Variants in SCNN1B observed in about 807,000 individuals in gnomAD.
SCNN1B encodes epithelial sodium channel subunit beta.
SCNN1B carries 46 observed loss-of-function variants against 65.3 expected under a neutral mutation model. The observed-to-expected ratio is 0.70, with a 90% CI of 0.56 to 0.90. SCNN1B has a LOEUF of 0.90. Ranked by LOEUF, SCNN1B falls within the 40% of genes least tolerant of loss-of-function variation. The pLI is 0.00. For synonymous variants in SCNN1B, 349 were observed against 330.6 expected (o/e 1.06, Z -0.60); for missense variants, 751 against 830.5 (o/e 0.90, Z 1.18).
chr16:23,300,217 G>C (rs944743173), upstream of SCNN1B, among the ~76,000 whole-genome samples: 1 of 152,092 alleles, frequency 6.6e-6, no homozygotes, highest in African/African-American at 2.4e-5. Flanking sequence ...GGGACGGAGA[G>C]CATTAGGAGA....
chr16:23,305,581 A>ATATATATATATATATATAT (rs1961198824), intron 1 of SCNN1B, among the ~76,000 whole-genome samples: 1 of 33,420 alleles, frequency 3.0e-5, no homozygotes, highest in African/African-American at 1.8e-4. Context: ...TATATATTAT[A>ATATATATATATATATATAT]TATATATATA....
In SCNN1B at chr16:23,371,830, G is replaced by T. The variant is rs1377462400; in HGVS notation, c.1099G>T (p.Glu367Ter). The change falls in exon 7 of 13, where the codon GAG (glutamate) becomes TAG (stop). Residue 367 changes from glutamate to a stop codon, truncating the protein, a stop_gained. Coordinates refer to ENST00000343070, the MANE Select transcript of SCNN1B (RefSeq NM_000336.3). LOFTEE classifies it high-confidence loss of function. ...PYSPCTVNGS[E>*]VPVQNFYSDY... ...CAGCCCGTGCACCGTGAATGGTTCTGAGGTCCCCGTCCAAAACTTCTACAG... is the reference window on the plus strand; with the variant it reads ...CAGCCCGTGCACCGTGAATGGTTCTTAGGTCCCCGTCCAAAACTTCTACAG... 6.2e-7 allele frequency: 1 copy of T among 1,614,128 alleles called. No homozygotes were observed. Among genetic ancestry groups the T allele is most frequent in the Non-Finnish European group, 8.5e-7 (1 of 1,180,038 alleles).
chr16:23,371,302 T>C lies in SCNN1B; in HGVS notation c.884T>C (p.Leu295Pro), dbSNP rs1172315879. 1.9e-6 allele frequency: 3 copies of C among 1,613,844 alleles called. No homozygotes were observed. ...PSANPGTEFG[L>P]KLILDIGQED... Reference sequence around the variant, plus strand: ...CCTCACCCCACCCTCCCCACAGGCCTGAAGTTGATCCTGGACATAGGCCAG... The same window carrying C: ...CCTCACCCCACCCTCCCCACAGGCCCGAAGTTGATCCTGGACATAGGCCAG... Residue 295 changes from leucine to proline, a missense_variant, in exon 6 of 13, where the codon CTG becomes CCG. Coordinates refer to ENST00000343070, the MANE Select transcript of SCNN1B (RefSeq NM_000336.3).
intron 1 of SCNN1B, among the ~76,000 whole-genome samples, chr16:23,340,974 T>A (rs769258983): frequency 4.6e-5 from 7 of 152,168 alleles, no homozygotes; most frequent in Non-Finnish European, 1.0e-4. Flanking sequence ...TTTAGTTCTT[T>A]TGCTTTTCCA....
chr16:23,283,788 G>C (rs754128628), exon 2 of SCNN1B: 7 of 152,226 alleles, frequency 4.6e-5, no homozygotes, highest in Admixed American at 3.9e-4. Flanking sequence ...AGCAACATCA[G>C]GAAACTACTC....
upstream of SCNN1B, among the ~76,000 whole-genome samples, chr16:23,297,548 T>C (rs1219355652): frequency 1.3e-5 from 2 of 152,192 alleles, no homozygotes; most frequent in African/African-American, 2.4e-5. Context: ...CTCTTTGTCA[T>C]CTTTCTGGGT....
chr16:23,309,328 C>T (rs564252156), intron 1 of SCNN1B, among the ~76,000 whole-genome samples: 1 of 151,986 alleles, frequency 6.6e-6, no homozygotes, highest in African/African-American at 2.4e-5. Flanking sequence ...CTGCTCCCAC[C>T]CCACTATAAC....
chr16:23,305,577 T>TAAAAAAA (rs1418310041), intron 1 of SCNN1B, among the ~76,000 whole-genome samples: 2 of 23,670 alleles, frequency 8.4e-5, no homozygotes, highest in African/African-American at 5.2e-4. Context: ...TATATATATA[T>TAAAAAAA]TATATATATA....
intron 2 of SCNN1B, among the ~76,000 whole-genome samples, chr16:23,296,903 C>A (rs1009223356): frequency 1.3e-5 from 2 of 150,788 alleles, no homozygotes; most frequent in Non-Finnish European, 2.9e-5. Context: ...AGGGGAATCG[C>A]TTTAACCCAG....
At chr16:23,295,165 C>A (rs1960978047) in intron 2 of SCNN1B, among the ~76,000 whole-genome samples, 1 of 152,104 alleles carries the variant, frequency 6.6e-6, no homozygotes, top group Non-Finnish European at 1.5e-5. Flanking sequence ...GCCTTGTTGA[C>A]CGGTGTATCT....
intron 1 of SCNN1B, among the ~76,000 whole-genome samples, chr16:23,307,295 CTTT>C (rs761118487): frequency 6.2e-5 from 7 of 113,286 alleles, no homozygotes; most frequent in African/African-American, 7.4e-5. Context: ...GCCTGTGCTC[CTTT>C]TTTTTTTTTT....
At chr16:23,324,941 G>A (rs1000947546) in intron 1 of SCNN1B, among the ~76,000 whole-genome samples, 10 of 152,260 alleles carry the variant, frequency 6.6e-5, no homozygotes, top group Non-Finnish European at 1.3e-4. Context: ...CATGGCTCCT[G>A]GCATGGGGCC....
chr16:23,302,899 T>G lies in SCNN1B; in HGVS notation c.-9+462T>G, dbSNP rs142718940. 1.5e-4 allele frequency among the ~76,000 whole-genome samples: 23 copies of G among 152,104 alleles called. 1 individual carries two copies. Among genetic ancestry groups the G allele is most frequent in the Admixed American group, 3.3e-4 (5 of 15,272 alleles). On this transcript the variant is annotated intron_variant, in intron 1 of 12. Coordinates refer to ENST00000343070, the MANE Select transcript of SCNN1B (RefSeq NM_000336.3). ...TCTTGCTGTCCCCATTTTGCAGAGG[T>G]GCAAACTGAGGGTCAGAGGGTGGGG...
intron 6 of SCNN1B, 91 bp from the exon 7 acceptor site, chr16:23,371,685 C>G: frequency 8.4e-7 from 1 of 1,185,406 alleles, no homozygotes; most frequent in South Asian, 1.2e-5. Context: ...GGTCCACAGC[C>G]CTCTGTCCCC....
At chr16:23,350,705 G>A (rs1962290097) in intron 2 of SCNN1B, among the ~76,000 whole-genome samples, 2 of 152,170 alleles carry the variant, frequency 1.3e-5, no homozygotes, top group South Asian at 4.1e-4. Context: ...TTGAGGTCAG[G>A]AGTTCGAGAC....
In SCNN1B at chr16:23,375,782, C is replaced by T; in HGVS notation, c.1197C>T (p.Cys399=). Residue 399 remains cysteine, a synonymous_variant, in exon 8 of 13, where the codon TGC becomes TGT. Coordinates refer to ENST00000343070, the MANE Select transcript of SCNN1B (RefSeq NM_000336.3). ...TCCAAGACCACATGATCCGTAACTGCAACTGTGGCCACTACCTGTACCCAC... is the reference window on the plus strand; with the variant it reads ...TCCAAGACCACATGATCCGTAACTGTAACTGTGGCCACTACCTGTACCCAC... ...SCFQDHMIRN[C]NCGHYLYPLP... is the part of the protein sequence containing the mutation. 4.3e-6 allele frequency: 7 copies of T among 1,614,184 alleles called. No homozygotes were observed. The highest frequency in any genetic ancestry group is 5.9e-6 in the Non-Finnish European group (7 of 1,179,994).
At chr16:23,345,955 C>T (rs1045581738) in intron 1 of SCNN1B, among the ~76,000 whole-genome samples, 22 of 152,214 alleles carry the variant, frequency 1.4e-4, no homozygotes, top group Admixed American at 1.1e-3. Flanking sequence ...ATGCTCCTGC[C>T]GCAGGTTCCT....
chr16:23,380,514 G>A lies in SCNN1B; in HGVS notation c.1636G>A (p.Asp546Asn), dbSNP rs112069765. ...CATCGAGTTTGGGGAGATCATCATC[G>A]ACTTTGTGTGGATCACCATCATCAA... ...CLIEFGEIII[D>N]FVWITIIKLV... is the part of the protein sequence containing the mutation. The change falls in exon 13 of 13, where the codon GAC becomes AAC. Residue 546 changes from aspartate (D) to asparagine (N), a missense_variant. Transcript: ENST00000343070. This position sits in a 1 kb window ranked among gnomAD's most constrained non-coding sequence, Gnocchi z 5.4. The A allele has an allele frequency of 1.8e-5, 29 of 1,614,104 alleles. No homozygotes were observed. The highest frequency in any genetic ancestry group is 8.0e-5 in the African/African-American group (6 of 74,938).
At position 23,377,397 on chromosome 16, in the gene SCNN1B, T is replaced by G. The variant is rs1262246441; in HGVS notation, c.1404+11T>G. 6.2e-7 allele frequency: 1 copy of G among 1,613,990 alleles called. No homozygotes were observed. The highest frequency in any genetic ancestry group is 1.1e-5 in the South Asian group (1 of 91,086). On this transcript the variant is annotated intron_variant, in intron 10 of 12. Coordinates refer to ENST00000343070, the MANE Select transcript of SCNN1B (RefSeq NM_000336.3). Reference sequence around the variant, plus strand: ...TCTGAGGCCTCCGAGGTGAGACAGTTGGGGGCCAAGCTCCTGGCTCCCACC... The same window carrying G: ...TCTGAGGCCTCCGAGGTGAGACAGTGGGGGGCCAAGCTCCTGGCTCCCACC...
Sources: allele counts gnomAD v4.1 joint callset (sites outside exome capture counted in the v4.1 genomes callset), GRCh38; gene constraint gnomAD v4.1.1; non-coding constraint Gnocchi (gnomAD v3.1); transcripts MANE v1.5; gene names NCBI Gene and HGNC (gene_info 2026-07-23, HGNC 2026-07-21).